The following TRAP1 variants were observed in gnomAD, a reference collection of about 807,000 sequenced individuals.
TRAP1 encodes the protein heat shock protein 75 kDa, mitochondrial.
TRAP1 carries 102 observed loss-of-function variants against 89.1 expected under a neutral mutation model. That is an observed-to-expected ratio of 1.15 (90% confidence interval 0.98 to 1.35). TRAP1 has a LOEUF of 1.35. Among genes scored for constraint, TRAP1 ranks in the 40% most tolerant of loss-of-function variants. The pLI is 0.00. For missense variants in TRAP1, 1,256 were observed against 945.3 expected, an observed-to-expected ratio of 1.33 and a Z score of -4.31; for synonymous variants, 508 against 388.0, an observed-to-expected ratio of 1.31 and a Z score of -3.64.
intron 4 of TRAP1, among the ~76,000 whole-genome samples, chr16:3,681,778 T>G (rs995075240): frequency 2.0e-5 from 3 of 152,214 alleles, no homozygotes; most frequent in Non-Finnish European, 4.4e-5. Flanking sequence ...CTATTTTCAA[T>G]TTATTTTTAT....
At chr16:3,682,277 A>G (rs1269857520) in intron 4 of TRAP1, among the ~76,000 whole-genome samples, 1 of 151,918 alleles carries the variant, frequency 6.6e-6, no homozygotes, top group Admixed American at 6.6e-5. Context: ...AGGGCTGGAC[A>G]CAACAGCTCA....
intron 15 of TRAP1, chr16:3,662,661 T>G (rs1316731826): frequency 1.5e-6 from 1 of 686,864 alleles, no homozygotes; most frequent in Non-Finnish European, 2.7e-6. Context: ...AGTTCACACC[T>G]GCTCTGGAGC....
chr16:3,691,767 C>G, intron 1 of TRAP1, among the ~76,000 whole-genome samples: 1 of 152,100 alleles, frequency 6.6e-6, no homozygotes, highest in East Asian at 1.9e-4. Context: ...CTTTTTCATC[C>G]AAAACAGATT....
chr16:3,673,823 C>T (rs533914109), intron 9 of TRAP1, among the ~76,000 whole-genome samples: 1 of 151,930 alleles, frequency 6.6e-6, no homozygotes, highest in Non-Finnish European at 1.5e-5. Flanking sequence ...TAAAGGAAAC[C>T]AGGGGAGGTG....
Position 3,665,945 on chromosome 16 carries a change from A to C in TRAP1, c.1383+26T>G, listed in dbSNP as rs562734870. On this transcript the variant is annotated intron_variant, in intron 12 of 17. Transcript: ENST00000246957. ...GCCCCAGGGACAAGGTGGCCCAGAA[A>C]AAGGCCTGGAACACAGCTCCTATAC... 5.7e-5 allele frequency: 91 copies of C among 1,597,922 alleles called. No individual in the cohort carries two copies. In the South Asian group the frequency reaches 1.0e-3, roughly 18 times the overall value.
In TRAP1 at chr16:3,664,294, T is replaced by C. The variant is rs554477905; in HGVS notation, c.1549A>G (p.Met517Val). The C allele has an allele frequency of 1.1e-5, 18 of 1,598,862 alleles. No homozygotes were observed. The highest frequency in any genetic ancestry group is 8.1e-5 in the African/African-American group (6 of 73,948). Reference protein sequence around the residue: ...LAEHSPYYEAMKKKDTEVLFC... With the variant: ...LAEHSPYYEAVKKKDTEVLFC... ...CCCACCTCTGTGTCTTTCTTCTTCATGGCCTCATAGTAGGGTGAGTGCTCT... is the reference window on the plus strand; with the variant it reads ...CCCACCTCTGTGTCTTTCTTCTTCACGGCCTCATAGTAGGGTGAGTGCTCT... Residue 517 changes from methionine to valine, a missense_variant, in exon 13 of 18, where the codon ATG (methionine) becomes GTG (valine). Coordinates refer to ENST00000246957, the MANE Select transcript of TRAP1 (RefSeq NM_016292.3).
chr16:3,676,290 G>A (rs570124056), intron 6 of TRAP1, 145 bp from the exon 7 acceptor site: 5 of 475,042 alleles, frequency 1.1e-5, no homozygotes, highest in East Asian at 5.6e-5. Flanking sequence ...TGACCCCAGC[G>A]CACCACTCAG....
chr16:3,713,376 T>C (rs537090227), intron 1 of TRAP1, among the ~76,000 whole-genome samples: 1 of 152,170 alleles, frequency 6.6e-6, no homozygotes, highest in South Asian at 2.1e-4. Flanking sequence ...TTTTGGAAGA[T>C]GAAACAAACT....
chr16:3,706,056 T>C (rs1368483161), intron 1 of TRAP1, among the ~76,000 whole-genome samples: 1 of 151,320 alleles, frequency 6.6e-6, no homozygotes, highest in Admixed American at 6.6e-5. Context: ...CTCCGCTCAC[T>C]GCAACCTCCA....
chr16:3,685,142 T>C (rs1259671178), intron 4 of TRAP1, among the ~76,000 whole-genome samples: 1 of 152,132 alleles, frequency 6.6e-6, no homozygotes, highest in Admixed American at 6.5e-5. Flanking sequence ...GCTGCAGCCC[T>C]GCCCACAGGG....
intron 1 of TRAP1, among the ~76,000 whole-genome samples, chr16:3,693,659 A>G (rs2051246909): frequency 6.6e-6 from 1 of 152,166 alleles, no homozygotes; most frequent in South Asian, 2.1e-4. Context: ...TCCTAGGACT[A>G]CTGAAACACA....
intron 1 of TRAP1, 69 bp from the exon 2 acceptor site, chr16:3,691,054 C>T (rs1209277197): frequency 5.8e-6 from 8 of 1,373,770 alleles, no homozygotes; most frequent in African/African-American, 1.5e-5. Flanking sequence ...TAATTCGTCC[C>T]ATCAAGGGTG....
In TRAP1 at chr16:3,659,752, G is replaced by C. The variant is rs1029958487; in HGVS notation, c.1941-887C>G. ...ATCCCTTTAAACACTTTTTTTTTTA[G>C]ATAGATAGATAGATAGATAGATAGA... On this transcript the variant is annotated intron_variant, in intron 16 of 17. Coordinates refer to ENST00000246957, the MANE Select transcript of TRAP1 (RefSeq NM_016292.3). The C allele has an allele frequency of 2.0e-4, 11 of 54,034 alleles. No homozygotes were observed. The African/African-American group carries it at 2.7e-3, about 13-fold the overall frequency. 3.3% of individuals were successfully genotyped at this position (54,034 alleles called of 1,614,324 possible). A position where few individuals can be genotyped will look rare whatever the true frequency, so the allele number is the denominator to read the frequency against.
At chr16:3,674,091 TTTC>T (rs1316618097) in intron 9 of TRAP1, among the ~76,000 whole-genome samples, 8 of 152,118 alleles carry the variant, frequency 5.3e-5, no homozygotes, top group Non-Finnish European at 1.2e-4. Context: ...CTGTTCTTTT[TTTC>T]TTTTTTTTCA....
chr16:3,670,382 C>CAAAAAAAACAAAAAAAAAAAAAAA (rs2050896410), intron 11 of TRAP1, among the ~76,000 whole-genome samples: 1 of 22,826 alleles, frequency 4.4e-5, no homozygotes, highest in African/African-American at 1.2e-4. Flanking sequence ...GACTCCGTCT[C>CAAAAAAAACAAAAAAAAAAAAAAA]AAAAAAAAAA....
intron 15 of TRAP1, chr16:3,662,577 C>A: frequency 1.7e-6 from 1 of 604,816 alleles, no homozygotes; most frequent in Non-Finnish European, 3.1e-6. Context: ...GCTGGGGTAG[C>A]ATGTCCCTTG....
intron 6 of TRAP1, chr16:3,676,828 G>T (rs2051003119): frequency 6.6e-6 from 1 of 152,450 alleles, no homozygotes; most frequent in Non-Finnish European, 1.5e-5. Context: ...GGCCAAGACG[G>T]GCAGATCACC....
chr16:3,682,672 C>T (rs539498860), intron 4 of TRAP1, among the ~76,000 whole-genome samples: 8 of 152,178 alleles, frequency 5.3e-5, no homozygotes, highest in African/African-American at 1.7e-4. Context: ...GGATTACAGG[C>T]GTGAGCCACC....
intron 13 of TRAP1, chr16:3,663,935 C>T: frequency 2.9e-6 from 1 of 350,020 alleles, no homozygotes; most frequent in Non-Finnish European, 5.3e-6. Context: ...TGGTGGTGTG[C>T]ACCTGTAGTC....
Sources: allele counts gnomAD v4.1 joint callset (sites outside exome capture counted in the v4.1 genomes callset), GRCh38; gene constraint gnomAD v4.1.1; transcripts MANE v1.5; gene names NCBI Gene and HGNC (gene_info 2026-07-23, HGNC 2026-07-21).